CASQ2: variants seen among roughly 807,000 people sequenced by gnomAD.
The protein encoded by CASQ2 is calsequestrin-2.
A neutral mutation model predicts 46.5 loss-of-function variants in CASQ2; 49 were observed. The ratio of observed to expected loss-of-function variants is 1.05; its 90% CI spans 0.84 to 1.34. The LOEUF (loss-of-function observed/expected upper bound fraction) is 1.34. CASQ2 is among the 40% of genes most tolerant of loss of function. The probability of loss-of-function intolerance (pLI) is 0.00; values close to 1 mark genes in which losing one functional copy is unlikely to be tolerated. For synonymous variants in CASQ2, 174 were observed against 168.5 expected (o/e 1.03, Z -0.25); for missense variants, 486 against 481.3 (o/e 1.01, Z -0.09).
intron 1 of CASQ2, among the ~76,000 whole-genome samples, chr1:115,745,748 T>A (rs960951249): frequency 2.5e-5 from 2 of 81,214 alleles, no homozygotes; most frequent in Non-Finnish European, 6.0e-5. Context: ...TAATACTACT[T>A]TTTTTAGTTA....
At chr1:115,702,354 G>A (rs750853971) in intron 10 of CASQ2, among the ~76,000 whole-genome samples, 12 of 152,316 alleles carry the variant, frequency 7.9e-5, no homozygotes, top group Non-Finnish European at 1.6e-4. Context: ...GGAGTTGTAT[G>A]AGATGTATGG....
At position 115,705,220 on chromosome 1, in the gene CASQ2, AGG is replaced by A. The variant is rs1654322868; in HGVS notation, c.909_910del (p.Leu304ValfsTer21). On this transcript the variant is annotated frameshift_variant, in exon 9 of 11. Transcript: ENST00000261448. LOFTEE classifies it high-confidence loss of function. ...AGGAAAGTCGTCCGGGTCGATCCAC[AGG>A]ATGCTCAGATCGGGGTTGTCAGTAT... 2 of 1,613,608 alleles carry A rather than the reference AGG, an allele frequency of 1.2e-6. No individual in the cohort carries two copies. Among genetic ancestry groups the A allele is most frequent in the Non-Finnish European group, 1.7e-6 (2 of 1,179,568 alleles).
Position 115,744,824 on chromosome 1 carries a change from T to C in CASQ2, c.319+4A>G. The C allele has an allele frequency of 6.2e-7, 1 of 1,607,028 alleles. No individual in the cohort carries two copies. Among genetic ancestry groups the C allele is most frequent in the South Asian group, 1.1e-5 (1 of 90,880 alleles). ...ACATACAGTATCTCAAAAATCACACTTACCCAGTTTCTTGGCAAGCTTGGC... is the reference window on the plus strand; with the variant it reads ...ACATACAGTATCTCAAAAATCACACCTACCCAGTTTCTTGGCAAGCTTGGC... On this transcript the variant is annotated splice_donor_region_variant and intron_variant, in intron 2 of 10. Transcript: ENST00000261448.
intron 1 of CASQ2, among the ~76,000 whole-genome samples, chr1:115,747,628 T>C (rs373277230): frequency 5.8e-4 from 89 of 152,344 alleles, no homozygotes; most frequent in Middle Eastern, 3.4e-3. Context: ...TCCATTTATT[T>C]GATCTTCTTT....
chr1:115,712,349 A>G (rs562935203), intron 8 of CASQ2, among the ~76,000 whole-genome samples: 1 of 152,296 alleles, frequency 6.6e-6, no homozygotes, highest in South Asian at 2.1e-4. Flanking sequence ...TGGCGCTAAG[A>G]TCCCAGAATT....
chr1:115,743,982 C>CA (rs11462500), intron 2 of CASQ2, among the ~76,000 whole-genome samples: 27,079 of 148,844 alleles, frequency 0.18, 3,322 homozygotes, highest in African/African-American at 0.35. Context: ...CATAAAAATA[C>CA]AAAAAAAAAA....
At chr1:115,711,047 G>C (rs10923246) in intron 8 of CASQ2, among the ~76,000 whole-genome samples, 36,678 of 152,194 alleles carry the variant, frequency 0.24, 4,453 homozygotes, top group South Asian at 0.28. Flanking sequence ...CTCAGACCAA[G>C]CAGTGGTCCA....
intron 1 of CASQ2, among the ~76,000 whole-genome samples, chr1:115,751,093 T>C (rs982314402): frequency 1.3e-5 from 2 of 152,236 alleles, no homozygotes; most frequent in African/African-American, 4.8e-5. Context: ...ATCTATTCAA[T>C]GGGACTGTTT....
Position 115,726,965 on chromosome 1 carries a change from C to T in CASQ2, c.737+27G>A, listed in dbSNP as rs746416151. 13 of 1,518,184 alleles carry T rather than the reference C, an allele frequency of 8.6e-6. No homozygotes were observed. In the Admixed American group the frequency reaches 1.7e-4, roughly 20 times the overall value. The allele number at this position is 1,518,184 out of a possible 1,614,324, so 94.0% of individuals were successfully genotyped here. ...TCTCCATTCCCCAGACCCCAGGCCC[C>T]CAGCCCCCACATGCCATCTCAGGCA... On this transcript the variant is annotated intron_variant, in intron 6 of 10. Transcript: ENST00000261448.
At position 115,757,804 on chromosome 1, in the gene CASQ2, A is replaced by C. The variant is rs144174373; in HGVS notation, c.234+10504T>G. 2.2e-3 allele frequency among the ~76,000 whole-genome samples: 328 copies of C among 152,332 alleles called. 2 individuals are homozygous for C. Among genetic ancestry groups the C allele is most frequent in the African/African-American group, 7.5e-3 (310 of 41,580 alleles). ...ATCTGGCAGATTCAACCTCTTTACA[A>C]TTGTACTCAATACTTTAAAAAATTT... On this transcript the variant is annotated intron_variant, in intron 1 of 10. Coordinates refer to ENST00000261448, the MANE Select transcript of CASQ2 (RefSeq NM_001232.4).
intron 1 of CASQ2, among the ~76,000 whole-genome samples, chr1:115,756,521 A>G (rs969226199): frequency 1.3e-5 from 2 of 152,254 alleles, no homozygotes; most frequent in African/African-American, 4.8e-5. Flanking sequence ...GCTGCTGAGT[A>G]AAGAAAAATC....
At chr1:115,709,281 A>C (rs1005545654) in intron 8 of CASQ2, among the ~76,000 whole-genome samples, 1 of 152,190 alleles carries the variant, frequency 6.6e-6, no homozygotes, top group Non-Finnish European at 1.5e-5. Context: ...TCCCTTTTTG[A>C]CCAGGAAGGC....
At chr1:115,758,476 G>A (rs1360360205) in intron 1 of CASQ2, among the ~76,000 whole-genome samples, 1 of 152,186 alleles carries the variant, frequency 6.6e-6, no homozygotes, top group Non-Finnish European at 1.5e-5. Flanking sequence ...CTGCCTTTGT[G>A]AATGTCACAT....
chr1:115,718,912 A>G (rs549467431), intron 7 of CASQ2, among the ~76,000 whole-genome samples: 7 of 152,108 alleles, frequency 4.6e-5, no homozygotes, highest in Admixed American at 1.3e-4. Context: ...ATGTGTGAGA[A>G]AGAGGCACCT....
At chr1:115,704,433 T>C (rs1387036977) in intron 9 of CASQ2, among the ~76,000 whole-genome samples, 1 of 152,196 alleles carries the variant, frequency 6.6e-6, no homozygotes, top group African/African-American at 2.4e-5. Context: ...ATTATAATAG[T>C]ACCTACTTCA....
intron 8 of CASQ2, among the ~76,000 whole-genome samples, chr1:115,708,854 A>G (rs1654444514): frequency 6.6e-6 from 1 of 152,182 alleles, no homozygotes; most frequent in Non-Finnish European, 1.5e-5. Flanking sequence ...ACAGAAAACT[A>G]TATCACAAAA....
chr1:115,716,180 C>A (rs943541459), intron 8 of CASQ2, among the ~76,000 whole-genome samples: 3 of 152,246 alleles, frequency 2.0e-5, no homozygotes, highest in Non-Finnish European at 4.4e-5. Context: ...CTTCCACTTT[C>A]TCTTGGGGAC....
At chr1:115,754,791 G>C (rs1200696727) in intron 1 of CASQ2, among the ~76,000 whole-genome samples, 1 of 152,176 alleles carries the variant, frequency 6.6e-6, no homozygotes, top group African/African-American at 2.4e-5. Context: ...AATTTCCTTA[G>C]AGATCCAATC....
In CASQ2 at chr1:115,706,203, TGTGCACGC is replaced by T. The variant is rs1391405260; in HGVS notation, c.839-919_839-912del. On this transcript the variant is annotated intron_variant, in intron 8 of 10. Transcript: ENST00000261448. The stretch of plus-strand genomic sequence containing the variant: ...GTGTGTATGTGTGTGTGCGTGTGTG[TGTGCACGC>T]GTGCATGTGCAGAAACACAAGCCAT... 2.6e-5 allele frequency among the ~76,000 whole-genome samples: 4 copies of T among 152,046 alleles called. No homozygotes were observed. In the East Asian group the frequency reaches 7.7e-4, roughly 29 times the overall value.
Sources: allele counts gnomAD v4.1 joint callset (sites outside exome capture counted in the v4.1 genomes callset), GRCh38; gene constraint gnomAD v4.1.1; transcripts MANE v1.5; gene names NCBI Gene and HGNC (gene_info 2026-07-23, HGNC 2026-07-21).